The following HNRNPA2B1 variants were observed in gnomAD, a reference collection of about 807,000 sequenced individuals.
HNRNPA2B1 encodes heterogeneous nuclear ribonucleoproteins A2/B1.
A neutral mutation model predicts 46.3 loss-of-function variants in HNRNPA2B1; 3 were observed. The observed-to-expected ratio is 0.06, with a 90% CI of 0.03 to 0.17. The LOEUF (loss-of-function observed/expected upper bound fraction) is 0.17, where lower values mean the gene tolerates loss of function less well. HNRNPA2B1 is among the 10% of genes least tolerant of loss of function. The pLI, the probability that HNRNPA2B1 is intolerant of heterozygous loss-of-function variation, is 1.00. For missense variants in HNRNPA2B1, 221 were observed against 418.9 expected (o/e 0.53, Z 4.12); for synonymous variants, 225 against 133.8 (o/e 1.68, Z -4.70).
In HNRNPA2B1 at chr7:26,196,715, A is replaced by G. The variant is rs1783683879; in HGVS notation, c.476-57T>C. ...TAAATCAACAATATTAAGCAGCTTC[A>G]AAAGTTTACCTTTCAATAAAGTTAC... On this transcript the variant is annotated intron_variant, in intron 4 of 10. Coordinates refer to ENST00000618183, the MANE Select transcript of HNRNPA2B1 (RefSeq NM_002137.4). The G allele has an allele frequency of 2.5e-6, 4 of 1,572,550 alleles. No individual in the cohort carries two copies. The South Asian group carries it at 3.4e-5, about 13-fold the overall frequency.
chr7:26,200,727 G>A lies in HNRNPA2B1; in HGVS notation c.-150C>T, dbSNP rs776308707. On this transcript the variant is annotated 5_prime_UTR_variant, in exon 1 of 11. Coordinates refer to ENST00000618183, the MANE Select transcript of HNRNPA2B1 (RefSeq NM_002137.4). ...CTCTGCGAGGAGCACCTCCGCACGG[G>A]ACCCGGCGCTGCTGCTACTGCCGCT... is the stretch of plus-strand genomic sequence containing the variant. 25 of 973,062 alleles carry A rather than the reference G, an allele frequency of 2.6e-5. No homozygotes were observed. Among genetic ancestry groups the A allele is most frequent in the Admixed American group, 2.3e-4 (13 of 56,046 alleles). The allele number at this position is 973,062 out of a possible 1,614,324, so 60.3% of individuals were successfully genotyped here.
Position 26,191,077 on chromosome 7 carries a change from C to T in HNRNPA2B1, c.*1283G>A, listed in dbSNP as rs994241964. The T allele has an allele frequency of 9.3e-5, 14 of 151,066 alleles. No individual in the cohort carries two copies. The highest frequency in any genetic ancestry group is 1.5e-5 in the Non-Finnish European group (1 of 67,836). 9.4% of individuals were successfully genotyped at this position (151,066 alleles called of 1,614,324 possible). On this transcript the variant is annotated 3_prime_UTR_variant, in exon 11 of 11. Transcript: ENST00000618183. ...TTGCCTCAGCTGTTGAAATGAAGCACTTTACAGTCTTTGTGGCAGCAGAAT... is the reference window on the plus strand; with the variant it reads ...TTGCCTCAGCTGTTGAAATGAAGCATTTTACAGTCTTTGTGGCAGCAGAAT...
rs1583996395 is a variant in HNRNPA2B1, at chr7:26,197,520, C to A, written c.118-59G>T. The A allele has an allele frequency of 1.9e-6, 3 of 1,586,550 alleles. No individual in the cohort carries two copies. The South Asian group carries it at 3.4e-5, about 18-fold the overall frequency. On this transcript the variant is annotated intron_variant, in intron 2 of 10. Transcript: ENST00000618183. ...TCTCATTATAGCTTATAAGTGAAGT[C>A]ATAATAGAATTTTTTACTATGCTGA...
intron 10 of HNRNPA2B1, 70 bp from the exon 11 acceptor site, chr7:26,192,408 G>A: frequency 1.1e-6 from 1 of 878,368 alleles, no homozygotes; most frequent in Non-Finnish European, 1.9e-6. Flanking sequence ...AGATTTTAAG[G>A]AAAGATAACA....
Position 26,196,787 on chromosome 7 carries a change from A to C in HNRNPA2B1, c.475+20T>G. ...TGAATACACTGGAAAAAAACAGTACATTTGTGGTTAGACACTTACATACGA... is the reference window on the plus strand; with the variant it reads ...TGAATACACTGGAAAAAAACAGTACCTTTGTGGTTAGACACTTACATACGA... On this transcript the variant is annotated intron_variant, in intron 4 of 10. Transcript: ENST00000618183. 1 of 1,604,098 alleles carries C rather than the reference A, an allele frequency of 6.2e-7. No individual in the cohort carries two copies.
intron 9 of HNRNPA2B1, among the ~76,000 whole-genome samples, chr7:26,192,869 G>C (rs1170670873): frequency 6.6e-6 from 1 of 152,158 alleles, no homozygotes; most frequent in Non-Finnish European, 1.5e-5. Flanking sequence ...GACAAAGCTA[G>C]TTTACTCCTA....
intron 7 of HNRNPA2B1, among the ~76,000 whole-genome samples, chr7:26,195,110 A>G (rs1261929275): frequency 7.1e-6 from 1 of 141,034 alleles, no homozygotes; most frequent in African/African-American, 2.8e-5. Flanking sequence ...AAAAAAAAAA[A>G]GAAACCATAT....
intron 7 of HNRNPA2B1, among the ~76,000 whole-genome samples, chr7:26,193,978 T>A (rs1783203224): frequency 6.6e-6 from 1 of 152,222 alleles, no homozygotes; most frequent in Non-Finnish European, 1.5e-5. Context: ...TCATGTATAT[T>A]GTGGGTAAGG....
At position 26,190,371 on chromosome 7, in the gene HNRNPA2B1, AACT is replaced by A. The variant is rs1478901373; in HGVS notation, c.*1986_*1988del. ...CTTTTTAAATGAAGGCACCAACAAG[AACT>A]ACTTTCAGATGGTACAGAATTTCTT... On this transcript the variant is annotated 3_prime_UTR_variant, in exon 11 of 11. Transcript: ENST00000618183. 6.6e-6 allele frequency: 1 copy of A among 152,574 alleles called. No individual in the cohort carries two copies. Among genetic ancestry groups the A allele is most frequent in the African/African-American group, 2.4e-5 (1 of 41,428 alleles). 9.5% of individuals were successfully genotyped at this position (152,574 alleles called of 1,614,324 possible). A position where few individuals can be genotyped will look rare whatever the true frequency, so the allele number is the denominator to read the frequency against.
intron 7 of HNRNPA2B1, among the ~76,000 whole-genome samples, chr7:26,195,121 T>TAAA (rs779105929): frequency 2.0e-4 from 24 of 118,742 alleles, no homozygotes; most frequent in African/African-American, 3.7e-4. Context: ...GAAACCATAT[T>TAAA]AAAAAAAAAA....
chr7:26,199,447 T>C (rs1386377412), intron 1 of HNRNPA2B1: 1 of 152,264 alleles, frequency 6.6e-6, no homozygotes, highest in Non-Finnish European at 1.5e-5. Flanking sequence ...AAGCCATGTT[T>C]TAATCGAAGT....
At position 26,190,828 on chromosome 7, in the gene HNRNPA2B1, C is replaced by G. The variant is rs1782829408; in HGVS notation, c.*1532G>C. ...CATTTTTGCCCTACCTTCTTTCAGT[C>G]TCATCCTGATAAGCATGTACAGTTA... is the stretch of plus-strand genomic sequence containing the variant. On this transcript the variant is annotated 3_prime_UTR_variant, in exon 11 of 11. Coordinates refer to ENST00000618183, the MANE Select transcript of HNRNPA2B1 (RefSeq NM_002137.4). 1 of 152,444 alleles carries G rather than the reference C, an allele frequency of 6.6e-6. No individual in the cohort carries two copies. The highest frequency in any genetic ancestry group is 2.4e-5 in the African/African-American group (1 of 41,448). The allele number at this position is 152,444 out of a possible 1,614,324, so 9.4% of individuals were successfully genotyped here.
intron 1 of HNRNPA2B1, chr7:26,199,699 C>T (rs899500306): frequency 1.3e-5 from 2 of 152,086 alleles, no homozygotes; most frequent in African/African-American, 4.8e-5. Flanking sequence ...GTTTATTTTG[C>T]CGCGGTTCAT....
At position 26,200,112 on chromosome 7, in the gene HNRNPA2B1, T is replaced by C. The variant is rs1784223310; in HGVS notation, c.6+460A>G. On this transcript the variant is annotated intron_variant, in intron 1 of 10. Coordinates refer to ENST00000618183, the MANE Select transcript of HNRNPA2B1 (RefSeq NM_002137.4). Reference sequence around the variant, plus strand: ...AATAAAAGAGTTATAAGGAAAACGCTGAGAGGAAGGCGAGCCATGAAAATG... The same window carrying C: ...AATAAAAGAGTTATAAGGAAAACGCCGAGAGGAAGGCGAGCCATGAAAATG... 3 of 200,898 alleles carry C rather than the reference T, an allele frequency of 1.5e-5. No homozygotes were observed. The South Asian group carries it at 2.3e-4, about 15-fold the overall frequency. The allele number at this position is 200,898 out of a possible 1,614,324, so 12.4% of individuals were successfully genotyped here. A position where few individuals can be genotyped will look rare whatever the true frequency, so the allele number is the denominator to read the frequency against.
chr7:26,194,270 C>G (rs1368257885), intron 7 of HNRNPA2B1, among the ~76,000 whole-genome samples: 2 of 151,998 alleles, frequency 1.3e-5, no homozygotes, highest in African/African-American at 4.8e-5. Context: ...GTGGCAGCAA[C>G]CTGTAGTACT....
At chr7:26,196,698 CAAT>C (rs765193514) in intron 4 of HNRNPA2B1, 40 bp from the exon 5 acceptor site, 8 of 1,575,490 alleles carry the variant, frequency 5.1e-6, no homozygotes, top group African/African-American at 2.7e-5. Flanking sequence ...ATTAAATCAA[CAAT>C]ATTAAGCAGC....
Position 26,193,709 on chromosome 7 carries a change from G to T in HNRNPA2B1, c.722-15C>A. On this transcript the variant is annotated splice_polypyrimidine_tract_variant and intron_variant, in intron 7 of 10. Coordinates refer to ENST00000618183, the MANE Select transcript of HNRNPA2B1 (RefSeq NM_002137.4). ...AAAATTGCCACCTATTATAAAATAA[G>T]CCTTTAAGTAATCACTTAATATTTT... is the stretch of plus-strand genomic sequence containing the variant. 1 of 1,603,588 alleles carries T rather than the reference G, an allele frequency of 6.2e-7. No homozygotes were observed. The highest frequency in any genetic ancestry group is 8.5e-7 in the Non-Finnish European group (1 of 1,173,366).
intron 1 of HNRNPA2B1, chr7:26,198,507 TGTAC>T (rs1439010504): frequency 1.3e-5 from 2 of 152,234 alleles, no homozygotes; most frequent in Non-Finnish European, 2.9e-5. Context: ...CTTAACCATA[TGTAC>T]AATAAAATAC....
intron 9 of HNRNPA2B1, 144 bp from the exon 10 acceptor site, chr7:26,192,721 C>G (rs759095661): frequency 1.4e-6 from 1 of 696,646 alleles, no homozygotes; most frequent in African/African-American, 1.8e-5. Flanking sequence ...AGCAGAATTA[C>G]TCAGGAGATA....
Sources: allele counts gnomAD v4.1 joint callset (sites outside exome capture counted in the v4.1 genomes callset), GRCh38; gene constraint gnomAD v4.1.1; transcripts MANE v1.5; gene names NCBI Gene and HGNC (gene_info 2026-07-23, HGNC 2026-07-21).